EGFR: variants seen among roughly 807,000 people sequenced by gnomAD.
EGFR encodes epidermal growth factor receptor, also known as avian erythroblastic leukemia viral (v-erb-b) oncogene homolog.
In EGFR, 58 loss-of-function variants were observed where a neutral mutation model predicts 143.0. The ratio of observed to expected loss-of-function variants is 0.41; its 90% CI spans 0.33 to 0.50. The LOEUF is 0.50. EGFR is among the 20% of genes least tolerant of loss of function. The probability of loss-of-function intolerance (pLI) is 0.39; values close to 1 mark genes in which losing one functional copy is unlikely to be tolerated. For synonymous variants in EGFR, 613 were observed against 594.4 expected (o/e 1.03, Z -0.45); for missense variants, 1,307 against 1,579.0 (o/e 0.83, Z 2.92).
At chr7:55,098,930 G>A (rs530121984) in intron 1 of EGFR, among the ~76,000 whole-genome samples, 22 of 152,214 alleles carry the variant, frequency 1.4e-4, no homozygotes, top group Non-Finnish European at 2.2e-4. Context: ...TGATTTCGAA[G>A]CAGTGGGGAG....
chr7:55,108,546 G>A (rs569586670), intron 1 of EGFR, among the ~76,000 whole-genome samples: 1 of 152,308 alleles, frequency 6.6e-6, no homozygotes, highest in East Asian at 1.9e-4. Context: ...TTCAGAAGTT[G>A]AGAAATAGCA....
intron 19 of EGFR, among the ~76,000 whole-genome samples, chr7:55,177,765 C>T (rs933173916): frequency 5.7e-4 from 87 of 152,382 alleles, no homozygotes; most frequent in African/African-American, 1.9e-3. Context: ...GCCATGGGGG[C>T]TCCAACTGTG....
rs764038041 is a variant in EGFR, at chr7:55,155,903, C to T, written c.963C>T (p.Asp321=). 26 of 1,613,922 alleles carry T rather than the reference C, an allele frequency of 1.6e-5. No individual in the cohort carries two copies. Among genetic ancestry groups the T allele is most frequent in the Admixed American group, 6.7e-5 (4 of 60,002 alleles). The change falls in exon 8 of 28, where the codon GAC becomes GAT. Residue 321 remains aspartate, a synonymous_variant. Transcript: ENST00000275493. ...CCGACAGCTATGAGATGGAGGAAGA[C>T]GGCGTCCGCAAGTGTAAGAAGTGCG... ...CGADSYEMEE[D]GVRKCKKCEG... is the part of the protein sequence containing the mutation.
intron 1 of EGFR, among the ~76,000 whole-genome samples, chr7:55,112,039 G>A (rs1038508722): frequency 2.0e-5 from 3 of 152,050 alleles, no homozygotes; most frequent in Non-Finnish European, 4.4e-5. Context: ...GCGTGACTGA[G>A]GCAGACACCT....
chr7:55,187,955 A>T (rs1787216329), intron 20 of EGFR, among the ~76,000 whole-genome samples: 1 of 152,106 alleles, frequency 6.6e-6, no homozygotes, highest in South Asian at 2.1e-4. Context: ...TGTGGCCAAG[A>T]GTGTCTGGCC....
At chr7:55,166,630 TG>T (rs1482265916) in intron 15 of EGFR, among the ~76,000 whole-genome samples, 1 of 143,382 alleles carries the variant, frequency 7.0e-6, no homozygotes, top group Non-Finnish European at 1.5e-5. Context: ...GGTGAGGAGG[TG>T]GGAGTCACAG....
At chr7:55,046,587 G>GAA (rs11337454) in intron 1 of EGFR, among the ~76,000 whole-genome samples, 15 of 133,686 alleles carry the variant, frequency 1.1e-4, no homozygotes, top group African/African-American at 1.1e-4. Context: ...GATGTTCTTG[G>GAA]AAAAAAAAAA....
intron 1 of EGFR, among the ~76,000 whole-genome samples, chr7:55,124,908 T>G (rs1793433198): frequency 1.3e-5 from 2 of 152,244 alleles, no homozygotes; most frequent in African/African-American, 4.8e-5. Flanking sequence ...AGTTTGTCGA[T>G]TCACCCTCTT....
At chr7:55,070,280 C>G (rs899086111) in intron 1 of EGFR, among the ~76,000 whole-genome samples, 1 of 152,160 alleles carries the variant, frequency 6.6e-6, no homozygotes, top group African/African-American at 2.4e-5. Context: ...TCTCTTTCTT[C>G]CTGGTTAGAC....
At chr7:55,041,360 G>A (rs1005175406) in intron 1 of EGFR, among the ~76,000 whole-genome samples, 34 of 152,044 alleles carry the variant, frequency 2.2e-4, no homozygotes, top group Non-Finnish European at 4.7e-4. Context: ...GCAGTGAGCC[G>A]AGATCACGCC....
intron 1 of EGFR, chr7:55,119,475 G>A (rs1258632269): frequency 1.3e-5 from 2 of 152,336 alleles, no homozygotes; most frequent in African/African-American, 4.8e-5. Flanking sequence ...ATTGGAGTTG[G>A]TGTTACCCTA....
chr7:55,019,297 C>A lies in EGFR; in HGVS notation c.20C>A (p.Ala7Asp), dbSNP rs1786367350. The A allele has an allele frequency of 2.6e-6, 4 of 1,512,042 alleles. No individual in the cohort carries two copies. Among genetic ancestry groups the A allele is most frequent in the Non-Finnish European group, 2.7e-6 (3 of 1,125,576 alleles). 93.7% of individuals were successfully genotyped at this position (1,512,042 alleles called of 1,614,324 possible). A position where few individuals can be genotyped will look rare whatever the true frequency, so the allele number is the denominator to read the frequency against. ...GCAGCGATGCGACCCTCCGGGACGG[C>A]CGGGGCAGCGCTCCTGGCGCTGCTG... The part of the protein sequence containing the change: MRPSGT[A>D]GAALLALLAA... Residue 7 changes from alanine (A) to aspartate (D), a missense_variant, in exon 1 of 28, where the codon GCC becomes GAC. Around this residue, in one of 7 missense-constraint regions of EGFR, gnomAD observed 65 missense variants for 37.8 expected, o/e 1.72. Coordinates refer to ENST00000275493, the MANE Select transcript of EGFR (RefSeq NM_005228.5).
At chr7:55,046,056 T>G (rs2128871585) in intron 1 of EGFR, among the ~76,000 whole-genome samples, 1 of 152,362 alleles carries the variant, frequency 6.6e-6, no homozygotes, top group South Asian at 2.1e-4. Flanking sequence ...CTACTTTTTT[T>G]ATTAGTGTGG....
At position 55,203,556 on chromosome 7, in the gene EGFR, TACAC is replaced by T. The variant is rs1395707014; in HGVS notation, c.3271+936_3271+939del. On this transcript the variant is annotated intron_variant, in intron 27 of 27. Transcript: ENST00000275493. The stretch of plus-strand genomic sequence containing the variant: ...ACACATACACCACACACACCACACA[TACAC>T]ACACCACACACACATACGCCACACA... Among the ~76,000 whole-genome samples, 114 of 71,542 alleles carry T rather than the reference TACAC, an allele frequency of 1.6e-3. 1 individual carries two copies. The highest frequency in any genetic ancestry group is 0.01 in the South Asian group (16 of 1,568). The allele number at this position is 71,542 out of a possible 152,430, so 46.9% of individuals were successfully genotyped here.
chr7:55,168,383 A>G lies in EGFR; in HGVS notation c.1881-2792A>G, dbSNP rs1786176007. ...TGCTGGGCTTAGGGGAGGTCCAGAA[A>G]GTGATTGGGTTTTGGCATTTTCAAT... On this transcript the variant is annotated intron_variant, in intron 15 of 27. Coordinates refer to ENST00000275493, the MANE Select transcript of EGFR (RefSeq NM_005228.5). 2.6e-5 allele frequency: 18 copies of G among 694,656 alleles called. 1 individual carries two copies. In the East Asian group the frequency reaches 4.6e-4, roughly 18 times the overall value. The allele number at this position is 694,656 out of a possible 1,614,324, so 43.0% of individuals were successfully genotyped here. A position where few individuals can be genotyped will look rare whatever the true frequency, so the allele number is the denominator to read the frequency against.
chr7:55,144,718 A>G (rs1018476282), intron 3 of EGFR, among the ~76,000 whole-genome samples: 12 of 152,088 alleles, frequency 7.9e-5, no homozygotes, highest in African/African-American at 2.6e-4. Context: ...CGGTTCCTAC[A>G]GTGCGCCTCA....
chr7:55,091,111 A>G (rs1791082414), intron 1 of EGFR, among the ~76,000 whole-genome samples: 1 of 152,066 alleles, frequency 6.6e-6, no homozygotes, highest in Non-Finnish European at 1.5e-5. Flanking sequence ...TAGTGACAAT[A>G]TTTTCACCCC....
chr7:55,107,094 C>T (rs1002978486), intron 1 of EGFR, among the ~76,000 whole-genome samples: 7 of 152,186 alleles, frequency 4.6e-5, no homozygotes, highest in Non-Finnish European at 1.0e-4. Flanking sequence ...CACATACACA[C>T]TCAGAAAAGA....
rs1787418953 is a variant in EGFR at position 55,192,018 on chromosome 7, C to T, written c.2625+144C>T. 6 of 1,280,530 alleles carry T rather than the reference C, an allele frequency of 4.7e-6. No homozygotes were observed. In the South Asian group the frequency reaches 5.0e-5, roughly 11 times the overall value. The allele number at this position is 1,280,530 out of a possible 1,614,324, so 79.3% of individuals were successfully genotyped here. On this transcript the variant is annotated intron_variant, in intron 21 of 27. Transcript: ENST00000275493. ...AGCTCGCAGCAGCTGCTGCTGGCAGCTGGGTCCAGCCAGGGTCTCCTGGTA... is the reference window on the plus strand; with the variant it reads ...AGCTCGCAGCAGCTGCTGCTGGCAGTTGGGTCCAGCCAGGGTCTCCTGGTA...
Sources: gnomAD v4.1 joint callset for allele counts (sites outside exome capture counted in the v4.1 genomes callset) on GRCh38, gnomAD v4.1.1 for gene constraint, gnomAD v4.1.1 regional missense constraint, MANE v1.5 for transcripts, NCBI Gene and HGNC (gene_info 2026-07-23, HGNC 2026-07-21) for gene names.